The following C1QTNF3 variants were observed in gnomAD, a reference collection of about 807,000 sequenced individuals.
C1QTNF3 encodes C1q and TNF related 3.
A neutral mutation model predicts 32.6 loss-of-function variants in C1QTNF3; 26 were observed. The observed-to-expected ratio is 0.80, with a 90% CI of 0.58 to 1.11. The LOEUF (loss-of-function observed/expected upper bound fraction) is 1.11. Among genes scored for constraint, C1QTNF3 ranks in the 50% least tolerant of loss-of-function variants. The pLI is 0.00. For synonymous variants in C1QTNF3, 155 were observed against 146.0 expected (o/e 1.06, Z -0.44); for missense variants, 362 against 398.2 (o/e 0.91, Z 0.77).
the C1QTNF3 span, among the ~76,000 whole-genome samples, chr5:34,122,857 G>C: frequency 2.7e-5 from 4 of 149,922 alleles, no homozygotes; most frequent in African/African-American, 7.4e-5. Flanking sequence ...GACCCTGAAG[G>C]CATTTTAGAG....
chr5:34,145,173 A>T, the C1QTNF3 span, among the ~76,000 whole-genome samples: 2 of 152,066 alleles, frequency 1.3e-5, no homozygotes, highest in African/African-American at 4.8e-5. Context: ...GAGAAGAACT[A>T]TATGTAATTG....
chr5:34,179,826 C>T, the C1QTNF3 span, among the ~76,000 whole-genome samples: 1 of 152,406 alleles, frequency 6.6e-6, no homozygotes, highest in African/African-American at 2.4e-5. Context: ...ACAGGTAGTG[C>T]GAGGTGGGAG....
chr5:34,228,373 CT>C, the C1QTNF3 span, among the ~76,000 whole-genome samples: 1 of 151,442 alleles, frequency 6.6e-6, no homozygotes, highest in African/African-American at 2.4e-5. Context: ...TAAACAATGT[CT>C]GCAAAATTGG....
chr5:34,238,508 A>G, the C1QTNF3 span, among the ~76,000 whole-genome samples: 5 of 152,216 alleles, frequency 3.3e-5, no homozygotes, highest in African/African-American at 1.2e-4. Context: ...TATTAACAGA[A>G]GGTAGGCCAA....
chr5:34,091,526 T>C, the C1QTNF3 span, among the ~76,000 whole-genome samples: 1 of 152,286 alleles, frequency 6.6e-6, no homozygotes, highest in Non-Finnish European at 1.5e-5. Flanking sequence ...TCTTTATTTT[T>C]AATTAAATAA....
the C1QTNF3 span, among the ~76,000 whole-genome samples, chr5:34,081,290 CTA>C: frequency 6.6e-6 from 1 of 151,604 alleles, no homozygotes; most frequent in African/African-American, 2.4e-5. Flanking sequence ...AGGAAATACA[CTA>C]GTGTGATTCT....
the C1QTNF3 span, among the ~76,000 whole-genome samples, chr5:34,221,178 A>T: frequency 6.6e-6 from 1 of 152,096 alleles, no homozygotes; most frequent in Non-Finnish European, 1.5e-5. Flanking sequence ...CTTCATACCA[A>T]GATATCACAA....
chr5:34,156,594 G>T, the C1QTNF3 span, among the ~76,000 whole-genome samples: 13 of 152,004 alleles, frequency 8.6e-5, no homozygotes, highest in Non-Finnish European at 1.5e-4. Flanking sequence ...AACCTAAATG[G>T]ACATTTCCCT....
chr5:34,050,694 A>G, the C1QTNF3 span, among the ~76,000 whole-genome samples: 3 of 152,136 alleles, frequency 2.0e-5, no homozygotes, highest in African/African-American at 4.8e-5. Context: ...CCCCTTCCCT[A>G]TGACATATAA....
At chr5:34,227,368 CTCTG>C in the C1QTNF3 span, among the ~76,000 whole-genome samples, 2 of 151,954 alleles carry the variant, frequency 1.3e-5, no homozygotes, top group African/African-American at 2.4e-5. Context: ...TGCATGTATG[CTCTG>C]TGTGTGCCTA....
upstream of C1QTNF3, among the ~76,000 whole-genome samples, chr5:34,045,341 A>T (rs1370425523): frequency 6.6e-6 from 1 of 152,102 alleles, no homozygotes; most frequent in Non-Finnish European, 1.5e-5. Context: ...TAATGCCTGG[A>T]CTCTATCCCA....
chr5:34,069,781 T>C, the C1QTNF3 span, among the ~76,000 whole-genome samples: 354 of 152,222 alleles, frequency 2.3e-3, 1 homozygote, highest in South Asian at 0.011. Context: ...CAATCAGAAA[T>C]AGAAACTCTT....
the C1QTNF3 span, among the ~76,000 whole-genome samples, chr5:34,091,362 C>T: frequency 6.6e-6 from 1 of 152,288 alleles, no homozygotes; most frequent in Non-Finnish European, 1.5e-5. Flanking sequence ...ATGTGCTTTC[C>T]TTTATTTTTC....
the C1QTNF3 span, among the ~76,000 whole-genome samples, chr5:34,134,612 G>A: frequency 6.6e-6 from 1 of 152,122 alleles, no homozygotes; most frequent in Admixed American, 6.6e-5. Context: ...AATACAGAAA[G>A]TGACTTCCTT....
chr5:34,125,528 G>A, the C1QTNF3 span, among the ~76,000 whole-genome samples: 2 of 151,962 alleles, frequency 1.3e-5, no homozygotes, highest in Non-Finnish European at 2.9e-5. Flanking sequence ...ATGTAGAGTT[G>A]TGAGGAGTTT....
chr5:34,053,321 T>C, the C1QTNF3 span, among the ~76,000 whole-genome samples: 1 of 152,216 alleles, frequency 6.6e-6, no homozygotes, highest in African/African-American at 2.4e-5. Flanking sequence ...AGATCTGGGG[T>C]TGGCATCCCA....
chr5:34,165,746 TC>T, the C1QTNF3 span: 4 of 151,958 alleles, frequency 2.6e-5, no homozygotes, highest in Admixed American at 1.3e-4. Flanking sequence ...TGAAGTTCAA[TC>T]TTTTTTTAAA....
chr5:34,218,185 A>G, the C1QTNF3 span: 43 of 152,558 alleles, frequency 2.8e-4, no homozygotes, highest in South Asian at 6.2e-4. Context: ...TTATTGTTTT[A>G]TAGTTTGATA....
At chr5:34,225,466 C>T in the C1QTNF3 span, among the ~76,000 whole-genome samples, 18 of 151,882 alleles carry the variant, frequency 1.2e-4, no homozygotes, top group Admixed American at 1.2e-3. Flanking sequence ...ACAGTAAATT[C>T]CTTCTTTGTT....
Sources: allele counts gnomAD v4.1 joint callset (sites outside exome capture counted in the v4.1 genomes callset), GRCh38; gene constraint gnomAD v4.1.1; transcripts MANE v1.5; gene names NCBI Gene and HGNC (gene_info 2026-07-23, HGNC 2026-07-21).